The following NXPH1 variants were observed in gnomAD, a reference collection of about 807,000 sequenced individuals.
NXPH1 encodes neurexophilin 1, also known as neurexophilin-1.
NXPH1 carries 5 observed loss-of-function variants against 23.7 expected under a neutral mutation model. The observed-to-expected ratio is 0.21, with a 90% CI of 0.11 to 0.44. NXPH1 has a LOEUF of 0.44. Ranked by LOEUF, NXPH1 falls within the 20% of genes least tolerant of loss-of-function variation. The probability of loss-of-function intolerance (pLI) is 0.99; values close to 1 mark genes in which losing one functional copy is unlikely to be tolerated. For missense variants in NXPH1, 324 were observed against 321.6 expected (o/e 1.01, Z -0.06); for synonymous variants, 144 against 122.2 (o/e 1.18, Z -1.18).
At position 8,563,096 on chromosome 7, in the gene NXPH1, G is replaced by A. The variant is rs180968624; in HGVS notation, c.54+127329G>A. 3.3e-4 allele frequency among the ~76,000 whole-genome samples: 50 copies of A among 151,756 alleles called. No individual in the cohort carries two copies. The East Asian group carries it at 9.6e-3, about 29-fold the overall frequency. On this transcript the variant is annotated intron_variant, in intron 2 of 2. Coordinates refer to ENST00000405863, the MANE Select transcript of NXPH1 (RefSeq NM_152745.3). ...GACTTTATATGCAAGATAGAACATT[G>A]ACTTCCAAATCTGTAACAGAATTAG...
intron 2 of NXPH1, among the ~76,000 whole-genome samples, chr7:8,523,804 CACCCTTCAT>C (rs1817815530): frequency 6.6e-6 from 1 of 152,194 alleles, no homozygotes; most frequent in Admixed American, 6.5e-5. Flanking sequence ...CCTCACTCCT[CACCCTTCAT>C]ACATTCTATA....
At chr7:8,471,978 C>G (rs1476720101) in intron 2 of NXPH1, among the ~76,000 whole-genome samples, 2 of 151,374 alleles carry the variant, frequency 1.3e-5, no homozygotes, top group Non-Finnish European at 2.9e-5. Context: ...TTTTTGATAT[C>G]CTACACGATG....
At chr7:8,451,664 C>G (rs1206846209) in intron 2 of NXPH1, among the ~76,000 whole-genome samples, 4 of 152,228 alleles carry the variant, frequency 2.6e-5, no homozygotes, top group South Asian at 2.1e-4. Flanking sequence ...GAATACTTCT[C>G]TGTTTACTTG....
chr7:8,652,978 G>T (rs529346118), intron 2 of NXPH1, among the ~76,000 whole-genome samples: 1 of 151,916 alleles, frequency 6.6e-6, no homozygotes, highest in Non-Finnish European at 1.5e-5. Flanking sequence ...TAGGGCCATT[G>T]ATCCTCCCAC....
intron 2 of NXPH1, among the ~76,000 whole-genome samples, chr7:8,629,073 G>A (rs189943308): frequency 2.0e-4 from 30 of 151,756 alleles, no homozygotes; most frequent in African/African-American, 5.3e-4. Context: ...ACAAATTTTC[G>A]AATACAAAAG....
intron 2 of NXPH1, among the ~76,000 whole-genome samples, chr7:8,477,690 G>A (rs573995801): frequency 6.6e-6 from 1 of 152,126 alleles, no homozygotes; most frequent in African/African-American, 2.4e-5. Flanking sequence ...TGCAGGGATG[G>A]TGCTGGGGGA....
intron 2 of NXPH1, among the ~76,000 whole-genome samples, chr7:8,488,843 C>T (rs1817204151): frequency 6.6e-6 from 1 of 152,086 alleles, no homozygotes; most frequent in Admixed American, 6.6e-5. Flanking sequence ...AGTAAGAGCT[C>T]AATAAAAACA....
At chr7:8,639,938 T>C (rs1273565611) in intron 2 of NXPH1, among the ~76,000 whole-genome samples, 4 of 152,210 alleles carry the variant, frequency 2.6e-5, no homozygotes, top group Non-Finnish European at 4.4e-5. Context: ...TATGTTGTTA[T>C]TAGCAGCATG....
intron 2 of NXPH1, among the ~76,000 whole-genome samples, chr7:8,447,579 T>C (rs538905055): frequency 6.6e-6 from 1 of 152,234 alleles, no homozygotes; most frequent in Non-Finnish European, 1.5e-5. Context: ...CTACAATATC[T>C]AGCTATTATC....
chr7:8,449,948 C>T (rs2128605290), intron 2 of NXPH1, among the ~76,000 whole-genome samples: 1 of 152,312 alleles, frequency 6.6e-6, no homozygotes. Context: ...GTGACTGCAG[C>T]TTCTGCTCGT....
At chr7:8,664,182 A>C (rs534682400) in intron 2 of NXPH1, among the ~76,000 whole-genome samples, 4 of 152,014 alleles carry the variant, frequency 2.6e-5, no homozygotes, top group Non-Finnish European at 2.9e-5. Context: ...GGGTAAGCTT[A>C]TCCCATCTCC....
chr7:8,516,978 T>A (rs547951544), intron 2 of NXPH1, among the ~76,000 whole-genome samples: 1 of 152,150 alleles, frequency 6.6e-6, no homozygotes, highest in Non-Finnish European at 1.5e-5. Context: ...GGATTCATCA[T>A]TGAACATCTA....
At chr7:8,502,595 T>C (rs1396754331) in intron 2 of NXPH1, among the ~76,000 whole-genome samples, 4 of 151,684 alleles carry the variant, frequency 2.6e-5, no homozygotes, top group African/African-American at 9.7e-5. Flanking sequence ...AGGGATTGGC[T>C]AGTAAGAAGT....
intron 2 of NXPH1, among the ~76,000 whole-genome samples, chr7:8,645,827 C>G (rs991154380): frequency 6.6e-6 from 1 of 152,002 alleles, no homozygotes; most frequent in Non-Finnish European, 1.5e-5. Flanking sequence ...CATTATTTCT[C>G]CACTGATAAG....
At position 8,490,848 on chromosome 7, in the gene NXPH1, A is replaced by T. The variant is rs111607873; in HGVS notation, c.54+55081A>T. 4.3e-3 allele frequency among the ~76,000 whole-genome samples: 648 copies of T among 152,196 alleles called. 4 individuals carry two copies. The highest frequency in any genetic ancestry group is 0.015 in the African/African-American group (608 of 41,560). On this transcript the variant is annotated intron_variant, in intron 2 of 2. Coordinates refer to ENST00000405863, the MANE Select transcript of NXPH1 (RefSeq NM_152745.3). ...CTTCCAGGTCTTTAATGTTTTACCA[A>T]ATACATTTTATGAATAAATATTAGC...
intron 2 of NXPH1, among the ~76,000 whole-genome samples, chr7:8,572,104 T>C (rs1818661367): frequency 6.6e-6 from 1 of 151,918 alleles, no homozygotes; most frequent in African/African-American, 2.4e-5. Flanking sequence ...TGAACACAAA[T>C]AATTTTTTAG....
Position 8,586,808 on chromosome 7 carries a change from G to A in NXPH1, c.54+151041G>A, listed in dbSNP as rs117414877. On this transcript the variant is annotated intron_variant, in intron 2 of 2. Coordinates refer to ENST00000405863, the MANE Select transcript of NXPH1 (RefSeq NM_152745.3). ...GTTTTCTGTGTTGTTTTACATATTT[G>A]ATAATGTGGAGTAAGGTATTTCAAT... Among the ~76,000 whole-genome samples the A allele has an allele frequency of 4.6e-3, 697 of 152,044 alleles. 1 individual carries two copies. Among genetic ancestry groups the A allele is most frequent in the Non-Finnish European group, 8.0e-3 (544 of 67,978 alleles).
At position 8,710,786 on chromosome 7, in the gene NXPH1, C is replaced by G. The variant is rs1368195652; in HGVS notation, c.55-40222C>G. On this transcript the variant is annotated intron_variant, in intron 2 of 2. Transcript: ENST00000405863. The stretch of plus-strand genomic sequence containing the variant: ...CACGCCATTCTCCTGCCTCAGCCTC[C>G]CCAGTAGCTGGGACTACAGGCGCCC... 1.4e-5 allele frequency among the ~76,000 whole-genome samples: 2 copies of G among 138,180 alleles called. 1 individual carries two copies. The highest frequency in any genetic ancestry group is 6.2e-5 in the African/African-American group (2 of 32,390). 90.7% of individuals were successfully genotyped at this position (138,180 alleles called of 152,430 possible).
chr7:8,551,133 CA>C lies in NXPH1; in HGVS notation c.54+115372del, dbSNP rs1170591423. The stretch of plus-strand genomic sequence containing the variant: ...AAGGATGTCTGTCTCATGAGATCCT[CA>C]AAAAATTAAAGATTATCATTAAAAA... On this transcript the variant is annotated intron_variant, in intron 2 of 2. Transcript: ENST00000405863. 3.3e-5 allele frequency among the ~76,000 whole-genome samples: 5 copies of C among 151,530 alleles called. No individual in the cohort carries two copies. The South Asian group carries it at 6.2e-4, about 19-fold the overall frequency.
Sources: allele counts gnomAD v4.1 joint callset (sites outside exome capture counted in the v4.1 genomes callset), GRCh38; gene constraint gnomAD v4.1.1; transcripts MANE v1.5; gene names NCBI Gene and HGNC (gene_info 2026-07-23, HGNC 2026-07-21).